Variants in KHDRBS2 observed in about 807,000 individuals in gnomAD.
KHDRBS2 encodes KH domain-containing, RNA-binding, signal transduction-associated protein 2.
Under a neutral mutation model 44.3 loss-of-function variants are expected in KHDRBS2, and 26 were observed. The ratio of observed to expected loss-of-function variants is 0.59; its 90% confidence interval spans 0.43 to 0.81. The LOEUF (loss-of-function observed/expected upper bound fraction) is 0.81, where lower values mean the gene tolerates loss of function less well. KHDRBS2 is among the 40% of genes least tolerant of loss of function. The probability of loss-of-function intolerance (pLI) is 0.00; values close to 1 mark genes in which losing one functional copy is unlikely to be tolerated. For missense variants in KHDRBS2, 476 were observed against 433.1 expected (o/e 1.10, Z -0.88); for synonymous variants, 194 against 151.1 (o/e 1.28, Z -2.08).
At chr6:62,263,478 T>A (rs2150183116) in intron 1 of KHDRBS2, among the ~76,000 whole-genome samples, 1 of 151,860 alleles carries the variant, frequency 6.6e-6, no homozygotes. Flanking sequence ...TTTACTGTAA[T>A]GGAAACAACA....
chr6:61,566,383 G>T, the KHDRBS2 span, among the ~76,000 whole-genome samples: 1 of 152,100 alleles, frequency 6.6e-6, no homozygotes, highest in Non-Finnish European at 1.5e-5. Context: ...AATAACTGAA[G>T]GAATGCATTT....
the KHDRBS2 span, among the ~76,000 whole-genome samples, chr6:61,658,404 C>T: frequency 6.6e-6 from 1 of 151,760 alleles, no homozygotes; most frequent in Non-Finnish European, 1.5e-5. Flanking sequence ...ATAAATGTTT[C>T]TTTTACTTTC....
At chr6:61,694,171 A>G (rs1767656260) in intron 8 of KHDRBS2, among the ~76,000 whole-genome samples, 1 of 152,178 alleles carries the variant, frequency 6.6e-6, no homozygotes, top group Admixed American at 6.6e-5. Flanking sequence ...TACAAATAAT[A>G]ATATGCCTTC....
At chr6:61,602,141 C>T in the KHDRBS2 span, among the ~76,000 whole-genome samples, 1 of 152,112 alleles carries the variant, frequency 6.6e-6, no homozygotes, top group Non-Finnish European at 1.5e-5. Flanking sequence ...AACAAAGCTC[C>T]AAAAATTAAA....
downstream of KHDRBS2, among the ~76,000 whole-genome samples, chr6:61,679,433 C>A (rs2127536936): frequency 6.6e-6 from 1 of 151,962 alleles, no homozygotes. Context: ...CTATCAGGAA[C>A]TTAATAACTG....
intron 2 of KHDRBS2, among the ~76,000 whole-genome samples, chr6:62,139,497 G>A (rs1293204252): frequency 1.3e-5 from 2 of 150,978 alleles, no homozygotes; most frequent in African/African-American, 4.9e-5. Flanking sequence ...AGCTTGCAGC[G>A]AGCGGAGATC....
At chr6:62,218,314 A>C (rs568158892) in intron 1 of KHDRBS2, among the ~76,000 whole-genome samples, 1 of 152,004 alleles carries the variant, frequency 6.6e-6, no homozygotes, top group African/African-American at 2.4e-5. Context: ...AAAGAGCAAA[A>C]GAATATCCCC....
intron 4 of KHDRBS2, among the ~76,000 whole-genome samples, chr6:61,944,571 G>T (rs182279555): frequency 1.3e-5 from 2 of 151,968 alleles, no homozygotes; most frequent in African/African-American, 4.8e-5. Context: ...GAAGAAATGC[G>T]TTCTAATATT....
At chr6:62,193,983 T>C (rs1353101192) in intron 1 of KHDRBS2, among the ~76,000 whole-genome samples, 8 of 152,286 alleles carry the variant, frequency 5.3e-5, no homozygotes, top group Admixed American at 2.6e-4. Flanking sequence ...GAGCCCCTTA[T>C]CAGAAAAATA....
chr6:61,568,534 A>G, the KHDRBS2 span, among the ~76,000 whole-genome samples: 3 of 152,328 alleles, frequency 2.0e-5, no homozygotes, highest in East Asian at 5.8e-4. Context: ...AAAAAATCAC[A>G]GATCCTTTGA....
intron 1 of KHDRBS2, among the ~76,000 whole-genome samples, chr6:62,208,153 G>T (rs1477156452): frequency 5.9e-5 from 9 of 152,074 alleles, no homozygotes; most frequent in Non-Finnish European, 8.8e-5. Flanking sequence ...TCTGTATCTG[G>T]CTTATTTCAC....
chr6:62,063,444 C>T (rs773484416), intron 2 of KHDRBS2, among the ~76,000 whole-genome samples: 7,555 of 150,276 alleles, frequency 0.05, 266 homozygotes, highest in Non-Finnish European at 0.067. Context: ...ATCAAGTGGG[C>T]TTCATCCCTG....
intron 6 of KHDRBS2, among the ~76,000 whole-genome samples, chr6:61,744,689 G>T (rs886929321): frequency 6.6e-6 from 1 of 151,962 alleles, no homozygotes; most frequent in Non-Finnish European, 1.5e-5. Context: ...CTTTACTTTT[G>T]TCTCTTCAGC....
intron 4 of KHDRBS2, among the ~76,000 whole-genome samples, chr6:61,905,221 T>C (rs1176095133): frequency 2.0e-5 from 3 of 151,992 alleles, no homozygotes; most frequent in Non-Finnish European, 2.9e-5. Flanking sequence ...GAGCCAGAGA[T>C]TGGAACAAAT....
intron 2 of KHDRBS2, among the ~76,000 whole-genome samples, chr6:62,140,189 A>G (rs1380983079): frequency 2.6e-5 from 4 of 152,166 alleles, no homozygotes; most frequent in Admixed American, 1.3e-4. Flanking sequence ...AAGATTCAAT[A>G]TTTTTGAAAC....
chr6:61,797,763 GTA>G (rs1485403114), intron 6 of KHDRBS2, among the ~76,000 whole-genome samples: 49 of 136,528 alleles, frequency 3.6e-4, no homozygotes, highest in African/African-American at 1.4e-3. Context: ...GTGTGTGTGT[GTA>G]TGTATATATA....
At chr6:62,073,870 T>G (rs897600526) in intron 2 of KHDRBS2, among the ~76,000 whole-genome samples, 3 of 151,750 alleles carry the variant, frequency 2.0e-5, no homozygotes, top group African/African-American at 7.2e-5. Flanking sequence ...CTATTCCAAA[T>G]AAAGTCTATC....
intron 6 of KHDRBS2, among the ~76,000 whole-genome samples, chr6:61,812,365 ATG>A (rs1226662112): frequency 2.6e-5 from 4 of 152,100 alleles, no homozygotes; most frequent in African/African-American, 9.7e-5. Context: ...TGCTCAATAA[ATG>A]TGTGATAAAT....
At chr6:61,601,095 G>A in the KHDRBS2 span, among the ~76,000 whole-genome samples, 26 of 152,224 alleles carry the variant, frequency 1.7e-4, 1 homozygote, top group South Asian at 5.4e-3. Context: ...TCCCTTGGTG[G>A]CAAGTCAATT....
Sources: allele counts gnomAD v4.1 joint callset (sites outside exome capture counted in the v4.1 genomes callset), GRCh38; gene constraint gnomAD v4.1.1; transcripts MANE v1.5; gene names NCBI Gene and HGNC (gene_info 2026-07-23, HGNC 2026-07-21).